AMZ1: variants seen among roughly 807,000 people sequenced by gnomAD.
AMZ1 encodes the protein archaelysin family metallopeptidase 1.
In AMZ1, 39 loss-of-function variants were observed where a neutral mutation model predicts 29.9. The ratio of observed to expected loss-of-function variants is 1.30; its 90% confidence interval spans 1.01 to 1.70. AMZ1 has a LOEUF of 1.70. AMZ1 is among the 40% of genes most tolerant of loss of function. The pLI, the probability that AMZ1 is intolerant of heterozygous loss-of-function variation, is 0.00. For missense variants in AMZ1, 1,041 were observed against 680.6 expected, an observed-to-expected ratio of 1.53 and a Z score of -5.89; for synonymous variants, 458 against 304.0, an observed-to-expected ratio of 1.51 and a Z score of -5.27.
rs565568456 is a variant in AMZ1 at position 2,717,919 on chromosome 7, C to T, written c.*5041C>T. Among the ~76,000 whole-genome samples the T allele has an allele frequency of 1.3e-5, 2 of 152,300 alleles. No homozygotes were observed. The highest frequency in any genetic ancestry group is 6.5e-5 in the Admixed American group (1 of 15,296). On this transcript the variant is annotated 3_prime_UTR_variant, in exon 7 of 7. Coordinates refer to ENST00000683327, the MANE Select transcript of AMZ1 (RefSeq NM_001384743.1). ...CCACGCGTTCAGTCCAACTCTTCCC[C>T]GCTGCAGTGTTCCCGTGACGATGAG... is the stretch of plus-strand genomic sequence containing the variant.
chr7:2,724,443 A>G (rs1272954684), downstream of AMZ1, among the ~76,000 whole-genome samples: 1 of 152,256 alleles, frequency 6.6e-6, no homozygotes, highest in Non-Finnish European at 1.5e-5. Context: ...TGCCAAGGTG[A>G]CAGGCCTGGA....
chr7:2,747,697 A>G (rs1790833569), intron 4 of AMZ1, among the ~76,000 whole-genome samples: 1 of 152,226 alleles, frequency 6.6e-6, no homozygotes, highest in African/African-American at 2.4e-5. Flanking sequence ...AAGGAAATAA[A>G]GGGTATTCAA....
chr7:2,688,839 A>G (rs1787212076), intron 1 of AMZ1, among the ~76,000 whole-genome samples: 2 of 152,216 alleles, frequency 1.3e-5, no homozygotes, highest in African/African-American at 2.4e-5. Flanking sequence ...TGATCCCTGC[A>G]GGGATGTAAG....
intron 4 of AMZ1, among the ~76,000 whole-genome samples, chr7:2,741,954 T>C (rs1387318695): frequency 6.6e-6 from 1 of 151,950 alleles, no homozygotes; most frequent in Non-Finnish European, 1.5e-5. Context: ...GCACAGAATT[T>C]AGTATATTAC....
At chr7:2,723,491 C>T (rs1194948192), downstream of AMZ1, among the ~76,000 whole-genome samples, 1 of 152,230 alleles carries the variant, frequency 6.6e-6, no homozygotes, top group Non-Finnish European at 1.5e-5. Context: ...AGATGGGAAA[C>T]ACATTGGTGG....
At chr7:2,690,043 CT>C (rs1159342590) in intron 1 of AMZ1, among the ~76,000 whole-genome samples, 1 of 152,176 alleles carries the variant, frequency 6.6e-6, no homozygotes, top group Admixed American at 6.5e-5. Context: ...GGCCACAAGG[CT>C]TCTTGAGAGG....
At chr7:2,704,761 T>A (rs905209985) in intron 3 of AMZ1, among the ~76,000 whole-genome samples, 1 of 151,984 alleles carries the variant, frequency 6.6e-6, no homozygotes, top group African/African-American at 2.4e-5. Flanking sequence ...TGTGCCTGGC[T>A]ATTTTTTTGC....
chr7:2,700,468 C>T lies in AMZ1; in HGVS notation c.17C>T (p.Pro6Leu). Residue 6 changes from proline (P) to leucine (L), a missense_variant, in exon 2 of 7, where the codon CCC (proline) becomes CTC (leucine). Coordinates refer to ENST00000683327, the MANE Select transcript of AMZ1 (RefSeq NM_001384743.1). MLQCR[P>L]AQEFSFGPRA... Reference sequence around the variant, plus strand: ...CCGCCCACCATGCTGCAGTGTAGACCCGCACAGGAGTTCAGCTTCGGGCCC... The same window carrying T: ...CCGCCCACCATGCTGCAGTGTAGACTCGCACAGGAGTTCAGCTTCGGGCCC... The T allele has an allele frequency of 6.2e-7, 1 of 1,601,612 alleles. No individual in the cohort carries two copies. Among genetic ancestry groups the T allele is most frequent in the Non-Finnish European group, 8.5e-7 (1 of 1,179,836 alleles).
chr7:2,700,926 C>T (rs1197390874), intron 2 of AMZ1, among the ~76,000 whole-genome samples, 171 bp downstream of exon 2: 1 of 152,156 alleles, frequency 6.6e-6, no homozygotes, highest in Non-Finnish European at 1.5e-5. Flanking sequence ...GCCAAGGCTT[C>T]CTTCCTCCCA....
intron 4 of AMZ1, among the ~76,000 whole-genome samples, chr7:2,752,744 A>C (rs1192643924): frequency 6.6e-6 from 1 of 152,184 alleles, no homozygotes; most frequent in African/African-American, 2.4e-5. Flanking sequence ...GTAACTTTTC[A>C]TCTTGAAATA....
chr7:2,719,997 A>G (rs1789350118), downstream of AMZ1, among the ~76,000 whole-genome samples: 1 of 152,220 alleles, frequency 6.6e-6, no homozygotes, highest in Non-Finnish European at 1.5e-5. Flanking sequence ...CCAAATTTTA[A>G]AAAGGGCTTA....
chr7:2,711,640 T>C (rs1788785445), intron 6 of AMZ1, among the ~76,000 whole-genome samples: 1 of 152,188 alleles, frequency 6.6e-6, no homozygotes, highest in African/African-American at 2.4e-5. Context: ...AGGCTGGTCT[T>C]GAACTCCTGG....
chr7:2,685,115 C>T (rs749910312), upstream of AMZ1, among the ~76,000 whole-genome samples: 7 of 151,642 alleles, frequency 4.6e-5, no homozygotes, highest in Non-Finnish European at 8.8e-5. Context: ...GTGATCCGCC[C>T]GCCTCGGCCT....
chr7:2,745,224 C>A (rs1251948003), intron 4 of AMZ1, among the ~76,000 whole-genome samples: 1 of 152,204 alleles, frequency 6.6e-6, no homozygotes, highest in East Asian at 1.9e-4. Flanking sequence ...TTGTCAGATT[C>A]ACCAAAGTTG....
intron 5 of AMZ1, 132 bp downstream of exon 5, chr7:2,709,376 G>A (rs1788598447): frequency 1.8e-6 from 2 of 1,109,820 alleles, no homozygotes; most frequent in Non-Finnish European, 1.2e-6. Flanking sequence ...AATGAGGAAA[G>A]CAAGGCTACA....
rs1443473922 is a variant in AMZ1, at chr7:2,700,432, C to A, written c.-20C>A. ...CAGCAGCAGGGGCTCCCAGGAGTGG[C>A]CAGGCCCTGCCCGCCCACCATGCTG... On this transcript the variant is annotated 5_prime_UTR_variant, in exon 2 of 7. Transcript: ENST00000683327. 6.3e-7 allele frequency: 1 copy of A among 1,589,482 alleles called. No homozygotes were observed. The highest frequency in any genetic ancestry group is 1.7e-5 in the Admixed American group (1 of 59,690).
chr7:2,720,399 CATT>C (rs897156660), downstream of AMZ1, among the ~76,000 whole-genome samples: 1 of 152,098 alleles, frequency 6.6e-6, no homozygotes, highest in Non-Finnish European at 1.5e-5. Flanking sequence ...TGGAGGGGAT[CATT>C]ATTTTTTTGA....
chr7:2,709,884 G>C, intron 6 of AMZ1, 68 bp downstream of exon 6: 1 of 1,578,878 alleles, frequency 6.3e-7, no homozygotes, highest in Admixed American at 1.8e-5. Context: ...GCGCCGCCTG[G>C]AGGCTACGCA....
chr7:2,723,631 G>A (rs571028348), downstream of AMZ1, among the ~76,000 whole-genome samples: 9 of 152,304 alleles, frequency 5.9e-5, no homozygotes, highest in South Asian at 8.3e-4. Flanking sequence ...ATGCCCCCTC[G>A]GCGCTCCCCA....
Sources: allele counts gnomAD v4.1 joint callset (sites outside exome capture counted in the v4.1 genomes callset), GRCh38; gene constraint gnomAD v4.1.1; transcripts MANE v1.5; gene names NCBI Gene and HGNC (gene_info 2026-07-23, HGNC 2026-07-21).